CCDC172: variants seen among roughly 807,000 people sequenced by gnomAD.
The protein encoded by CCDC172 is coiled-coil domain-containing protein 172.
CCDC172 carries 30 observed loss-of-function variants against 38.0 expected under a neutral mutation model. The ratio of observed to expected loss-of-function variants is 0.79; its 90% CI spans 0.59 to 1.07. The LOEUF is 1.07. Ranked by LOEUF, CCDC172 falls within the 50% of genes least tolerant of loss-of-function variation. The probability of loss-of-function intolerance (pLI) is 0.00; values close to 1 mark genes in which losing one functional copy is unlikely to be tolerated. For synonymous variants in CCDC172, 78 were observed against 88.3 expected, an observed-to-expected ratio of 0.88 and a Z score of 0.66; for missense variants, 297 against 290.1, an observed-to-expected ratio of 1.02 and a Z score of -0.17.
At chr10:116,345,664 C>A (rs1844856812) in intron 5 of CCDC172, among the ~76,000 whole-genome samples, 1 of 151,986 alleles carries the variant, frequency 6.6e-6, no homozygotes, top group South Asian at 2.1e-4. Flanking sequence ...TTGAACTTCA[C>A]AATAGAGTAC....
chr10:116,343,298 A>G (rs1844818287), intron 5 of CCDC172, among the ~76,000 whole-genome samples: 1 of 152,068 alleles, frequency 6.6e-6, no homozygotes, highest in Non-Finnish European at 1.5e-5. Context: ...CATATTCCCA[A>G]TATACTATGG....
chr10:116,324,997 G>A lies in CCDC172; in HGVS notation c.-15G>A, dbSNP rs1844572057. On this transcript the variant is annotated 5_prime_UTR_variant, in exon 2 of 9. Coordinates refer to ENST00000333254, the MANE Select transcript of CCDC172 (RefSeq NM_198515.3). ...TTTAAGGGCGAGAAAAGGATCGCAG[G>A]AGCCAGGCCCTGAGATGAGCTTGGA... 1.9e-6 allele frequency: 3 copies of A among 1,611,034 alleles called. No individual in the cohort carries two copies. The highest frequency in any genetic ancestry group is 1.3e-5 in the African/African-American group (1 of 74,876).
rs72837866 is a variant in CCDC172 at position 116,329,823 on chromosome 10, A to G, written c.165+4435A>G. Among the ~76,000 whole-genome samples the G allele has an allele frequency of 9.6e-3, 1,456 of 152,312 alleles. 10 individuals carry two copies. The highest frequency in any genetic ancestry group is 0.015 in the South Asian group (73 of 4,828). On this transcript the variant is annotated intron_variant, in intron 3 of 8. Coordinates refer to ENST00000333254, the MANE Select transcript of CCDC172 (RefSeq NM_198515.3). Reference sequence around the variant, plus strand: ...TTCTTCACTGCCATGCACTCTCAGTAAGAAAACAAAAACCGCTAGTTTTAC... The same window carrying G: ...TTCTTCACTGCCATGCACTCTCAGTGAGAAAACAAAAACCGCTAGTTTTAC...
chr10:116,355,492 G>A (rs1844985130), intron 5 of CCDC172, among the ~76,000 whole-genome samples: 1 of 152,062 alleles, frequency 6.6e-6, no homozygotes, highest in Admixed American at 6.6e-5. Flanking sequence ...ACATATCCCT[G>A]TTGTCAAACA....
At chr10:116,326,787 G>A (rs1240672375) in intron 3 of CCDC172, among the ~76,000 whole-genome samples, 2 of 152,132 alleles carry the variant, frequency 1.3e-5, no homozygotes, top group African/African-American at 4.8e-5. Flanking sequence ...ACAGTAGTGT[G>A]TTGAAAGAAT....
chr10:116,361,828 G>A lies in CCDC172; in HGVS notation c.653+3890G>A, dbSNP rs533474469. 3.3e-5 allele frequency among the ~76,000 whole-genome samples: 5 copies of A among 152,234 alleles called. No homozygotes were observed. The South Asian group carries it at 1.0e-3, about 32-fold the overall frequency. ...CATAAACTCAATATGGTATTAACAT[G>A]TTTTCAAACTCTTTCAAGGATACAT... is the stretch of plus-strand genomic sequence containing the variant. On this transcript the variant is annotated intron_variant, in intron 7 of 8. Transcript: ENST00000333254.
At chr10:116,378,162 C>T (rs1339728262) in intron 7 of CCDC172, among the ~76,000 whole-genome samples, 1 of 152,136 alleles carries the variant, frequency 6.6e-6, no homozygotes, top group Non-Finnish European at 1.5e-5. Context: ...GCCTGGATGA[C>T]AGAGCGAGAC....
chr10:116,349,415 C>T (rs930828799), intron 5 of CCDC172, among the ~76,000 whole-genome samples: 3 of 152,274 alleles, frequency 2.0e-5, no homozygotes, highest in Middle Eastern at 3.4e-3. Flanking sequence ...TTAACTTTTT[C>T]ATTCTTCTGA....
At chr10:116,329,876 T>A (rs11197633) in intron 3 of CCDC172, among the ~76,000 whole-genome samples, 1,764 of 152,306 alleles carry the variant, frequency 0.012, 33 homozygotes, top group African/African-American at 0.041. Context: ...GTGTCAAAAA[T>A]ATTAATTTTA....
intron 3 of CCDC172, among the ~76,000 whole-genome samples, chr10:116,328,625 C>T (rs1844619856): frequency 1.3e-5 from 2 of 151,786 alleles, no homozygotes; most frequent in Non-Finnish European, 2.9e-5. Flanking sequence ...TTTTCTGTTT[C>T]CAATTTTAAC....
intron 7 of CCDC172, among the ~76,000 whole-genome samples, chr10:116,368,461 G>A (rs1027096429): frequency 3.3e-5 from 5 of 150,490 alleles, no homozygotes; most frequent in South Asian, 2.1e-4. Context: ...AATTCTCTAC[G>A]TACTCATGCA....
chr10:116,365,801 C>A lies in CCDC172; in HGVS notation c.653+7863C>A, dbSNP rs138726676. 3.9e-5 allele frequency among the ~76,000 whole-genome samples: 6 copies of A among 152,174 alleles called. No individual in the cohort carries two copies. The East Asian group carries it at 5.8e-4, about 15-fold the overall frequency. On this transcript the variant is annotated intron_variant, in intron 7 of 8. Transcript: ENST00000333254. ...AGATTATAAGACTGCACTTTTTATT[C>A]CACCTTTTCTATGTTTAGATACACA...
Position 116,324,954 on chromosome 10 carries a change from A to T in CCDC172, c.-58A>T. 1 of 1,359,652 alleles carries T rather than the reference A, an allele frequency of 7.4e-7. No homozygotes were observed. Among genetic ancestry groups the T allele is most frequent in the Non-Finnish European group, 1.1e-6 (1 of 950,392 alleles). The allele number at this position is 1,359,652 out of a possible 1,614,324, so 84.2% of individuals were successfully genotyped here. On this transcript the variant is annotated 5_prime_UTR_variant, in exon 2 of 9. Coordinates refer to ENST00000333254, the MANE Select transcript of CCDC172 (RefSeq NM_198515.3). ...CTTTATTCTGCTTTCCAGGATCCTC[A>T]GAGTTGGTTATAAAATATTTAAGGG...
At chr10:116,332,357 C>G (rs1282491675) in intron 3 of CCDC172, among the ~76,000 whole-genome samples, 1 of 152,152 alleles carries the variant, frequency 6.6e-6, no homozygotes, top group African/African-American at 2.4e-5. Flanking sequence ...TAATTCTGCA[C>G]TATAAAACTC....
At position 116,380,022 on chromosome 10, in the gene CCDC172, G is replaced by A. The variant is rs7912088; in HGVS notation, c.*664G>A. On this transcript the variant is annotated 3_prime_UTR_variant, in exon 9 of 9. Transcript: ENST00000333254. ...TGGGACAATTAAACTTGTGTTCTTTGTAAATTACCCAGTCTCATGTATTTC... is the reference window on the plus strand; with the variant it reads ...TGGGACAATTAAACTTGTGTTCTTTATAAATTACCCAGTCTCATGTATTTC... 0.23 allele frequency: 34,767 copies of A among 151,932 alleles called. 5,637 individuals are homozygous for A. The highest frequency in any genetic ancestry group is 0.42 in the African/African-American group (17,579 of 41,370). 9.4% of individuals were successfully genotyped at this position (151,932 alleles called of 1,614,324 possible).
Position 116,346,084 on chromosome 10 carries a change from G to A in CCDC172, c.448+3883G>A, listed in dbSNP as rs545126386. ...CCGAGGTGGGCGGATCACAAGGTCA[G>A]GAGTTCAAGACCAGCCTGGCCAACA... is the stretch of plus-strand genomic sequence containing the variant. On this transcript the variant is annotated intron_variant, in intron 5 of 8. Coordinates refer to ENST00000333254, the MANE Select transcript of CCDC172 (RefSeq NM_198515.3). Among the ~76,000 whole-genome samples the A allele has an allele frequency of 2.6e-5, 4 of 152,132 alleles. No homozygotes were observed. In the East Asian group the frequency reaches 7.8e-4, roughly 29 times the overall value.
chr10:116,339,457 T>C (rs1400446732), intron 3 of CCDC172, among the ~76,000 whole-genome samples: 1 of 151,960 alleles, frequency 6.6e-6, no homozygotes, highest in Non-Finnish European at 1.5e-5. Context: ...TTTTATAGAT[T>C]TGGCCATATG....
intron 3 of CCDC172, among the ~76,000 whole-genome samples, chr10:116,326,656 A>G (rs1412865621): frequency 6.6e-6 from 1 of 152,182 alleles, no homozygotes; most frequent in Admixed American, 6.5e-5. Context: ...TTAAAATTAA[A>G]CAATGATACA....
chr10:116,342,537 T>C (rs1844808645), intron 5 of CCDC172, among the ~76,000 whole-genome samples: 1 of 152,116 alleles, frequency 6.6e-6, no homozygotes, highest in Non-Finnish European at 1.5e-5. Flanking sequence ...GAAGCTACAG[T>C]AGGGGTTAGG....
Sources: allele counts gnomAD v4.1 joint callset (sites outside exome capture counted in the v4.1 genomes callset), GRCh38; gene constraint gnomAD v4.1.1; transcripts MANE v1.5; gene names NCBI Gene and HGNC (gene_info 2026-07-23, HGNC 2026-07-21).